Variants in PPARGC1A observed in about 807,000 individuals in gnomAD.
PPARGC1A encodes PPARG coactivator 1 alpha.
A neutral mutation model predicts 88.7 loss-of-function variants in PPARGC1A; 25 were observed. That is an observed-to-expected ratio of 0.28 (90% CI 0.21 to 0.39). The LOEUF (loss-of-function observed/expected upper bound fraction) is 0.39. PPARGC1A is among the 10% of genes least tolerant of loss of function. The pLI, the probability that PPARGC1A is intolerant of heterozygous loss-of-function variation, is 1.00. For synonymous variants in PPARGC1A, 363 were observed against 355.6 expected (o/e 1.02, Z -0.24); for missense variants, 880 against 968.7 (o/e 0.91, Z 1.22).
chr4:24,258,168 C>G, the PPARGC1A span: 1 of 947,676 alleles, frequency 1.1e-6, no homozygotes. Flanking sequence ...TTCAGAATAA[C>G]AGAAAATAAC....
chr4:23,844,569 G>T (rs1727755603), intron 2 of PPARGC1A, among the ~76,000 whole-genome samples: 1 of 108,632 alleles, frequency 9.2e-6, no homozygotes, highest in African/African-American at 3.8e-5. Flanking sequence ...TAATTATATT[G>T]TATATTGTTA....
chr4:24,017,288 T>C, the PPARGC1A span, among the ~76,000 whole-genome samples: 1 of 152,082 alleles, frequency 6.6e-6, no homozygotes, highest in Non-Finnish European at 1.5e-5. Context: ...ACTTCAACAG[T>C]AGAACAGAAA....
chr4:24,445,929 TG>T, the PPARGC1A span, among the ~76,000 whole-genome samples: 2 of 152,008 alleles, frequency 1.3e-5, no homozygotes, highest in Non-Finnish European at 2.9e-5. Context: ...TAGCCTGGTG[TG>T]GGGGCATGTG....
At chr4:23,886,233 T>C (rs1326442220) in intron 1 of PPARGC1A, among the ~76,000 whole-genome samples, 1 of 152,174 alleles carries the variant, frequency 6.6e-6, no homozygotes, top group Non-Finnish European at 1.5e-5. Context: ...AGGCTGCAGT[T>C]AGGCATAAAA....
chr4:23,849,840 T>C (rs141145248), intron 2 of PPARGC1A, among the ~76,000 whole-genome samples: 2,338 of 151,262 alleles, frequency 0.015, 69 homozygotes, highest in African/African-American at 0.054. Context: ...AGGTGTTTCA[T>C]GCATGTGAGG....
the PPARGC1A span, among the ~76,000 whole-genome samples, chr4:24,023,999 A>G: frequency 6.6e-6 from 1 of 152,212 alleles, no homozygotes; most frequent in African/African-American, 2.4e-5. Flanking sequence ...TGGGCTGTCC[A>G]TACTGCAAAC....
At position 23,814,683 on chromosome 4, in the gene PPARGC1A, C is replaced by T. The variant is rs977971625; in HGVS notation, c.878-78G>A. The T allele has an allele frequency of 7.1e-6, 9 of 1,275,088 alleles. No homozygotes were observed. In the East Asian group the frequency reaches 1.0e-4, roughly 14 times the overall value. The allele number at this position is 1,275,088 out of a possible 1,614,324, so 79.0% of individuals were successfully genotyped here. On this transcript the variant is annotated intron_variant, in intron 7 of 12. Transcript: ENST00000264867. ...GAGATAATGTTCTTAAATGCGAAGA[C>T]ACATGTTTCTAATTTTTCCAAGATT...
the PPARGC1A span, among the ~76,000 whole-genome samples, chr4:24,471,473 G>A: frequency 1.3e-5 from 2 of 152,152 alleles, no homozygotes; most frequent in African/African-American, 4.8e-5. The surrounding 1 kb of genome is among the most constrained non-coding windows in gnomAD (Gnocchi z 5.4). Context: ...GGGGGCAGCA[G>A]ACTACAACAG....
At chr4:24,332,019 T>C in the PPARGC1A span, among the ~76,000 whole-genome samples, 1 of 151,658 alleles carries the variant, frequency 6.6e-6, no homozygotes, top group Non-Finnish European at 1.5e-5. Context: ...TCTGTGTTTA[T>C]TTAGCCAGTT....
At chr4:24,294,595 C>A in the PPARGC1A span, among the ~76,000 whole-genome samples, 1 of 152,098 alleles carries the variant, frequency 6.6e-6, no homozygotes, top group Non-Finnish European at 1.5e-5. Flanking sequence ...ACCCCCACTC[C>A]CAAAAAACAA....
chr4:24,165,228 C>T, the PPARGC1A span, among the ~76,000 whole-genome samples: 8 of 151,876 alleles, frequency 5.3e-5, no homozygotes, highest in East Asian at 1.4e-3. Flanking sequence ...TAACTGAATG[C>T]TGGTATTTGG....
chr4:24,270,791 C>G, the PPARGC1A span, among the ~76,000 whole-genome samples: 1 of 151,968 alleles, frequency 6.6e-6, no homozygotes, highest in Admixed American at 6.6e-5. Flanking sequence ...TGTCTAAACT[C>G]TTAAAATGAA....
At chr4:24,245,935 A>ACACG in the PPARGC1A span, among the ~76,000 whole-genome samples, 1 of 151,050 alleles carries the variant, frequency 6.6e-6, no homozygotes, top group African/African-American at 2.4e-5. Flanking sequence ...GCACACACAC[A>ACACG]CACACACACA....
At chr4:24,025,991 C>T in the PPARGC1A span, among the ~76,000 whole-genome samples, 2 of 152,146 alleles carry the variant, frequency 1.3e-5, no homozygotes, top group Non-Finnish European at 2.9e-5. Flanking sequence ...CCATGATTTG[C>T]ACTCAATCCA....
At chr4:24,063,230 T>C in the PPARGC1A span, among the ~76,000 whole-genome samples, 1 of 152,246 alleles carries the variant, frequency 6.6e-6, no homozygotes, top group Non-Finnish European at 1.5e-5. Context: ...ATTTAATTGG[T>C]GAAGTTGGCA....
chr4:23,812,233 G>A (rs375711781), intron 10 of PPARGC1A, among the ~76,000 whole-genome samples: 27 of 152,046 alleles, frequency 1.8e-4, no homozygotes, highest in South Asian at 1.2e-3. Context: ...ATGAGCCATC[G>A]TGCCTGGCCA....
the PPARGC1A span, among the ~76,000 whole-genome samples, chr4:24,368,933 A>G: frequency 6.6e-6 from 1 of 152,226 alleles, no homozygotes; most frequent in Admixed American, 6.5e-5. Context: ...ATGAGCAGAC[A>G]CACAGAGTCT....
chr4:24,064,404 C>T, the PPARGC1A span, among the ~76,000 whole-genome samples: 327 of 152,134 alleles, frequency 2.1e-3, 2 homozygotes, highest in African/African-American at 7.4e-3. Flanking sequence ...GGCAATTAAT[C>T]CATCATGTTA....
the PPARGC1A span, among the ~76,000 whole-genome samples, chr4:24,015,764 T>C: frequency 6.6e-6 from 1 of 152,188 alleles, no homozygotes; most frequent in Non-Finnish European, 1.5e-5. Flanking sequence ...ATATGACTTG[T>C]ACAAAGCCGC....
Sources: allele counts gnomAD v4.1 joint callset (sites outside exome capture counted in the v4.1 genomes callset), GRCh38; gene constraint gnomAD v4.1.1; non-coding constraint Gnocchi (gnomAD v3.1); transcripts MANE v1.5; gene names NCBI Gene and HGNC (gene_info 2026-07-23, HGNC 2026-07-21).